The following MAP3K3 variants were observed in gnomAD, a reference collection of about 807,000 sequenced individuals.
MAP3K3 encodes MAP/ERK kinase kinase 3.
A neutral mutation model predicts 80.9 loss-of-function variants in MAP3K3; 12 were observed. That is an observed-to-expected ratio of 0.15 (90% CI 0.10 to 0.24). The LOEUF (loss-of-function observed/expected upper bound fraction) is 0.24, where lower values mean the gene tolerates loss of function less well. Among genes scored for constraint, MAP3K3 ranks in the 10% least tolerant of loss-of-function variants. The pLI, the probability that MAP3K3 is intolerant of heterozygous loss-of-function variation, is 1.00. For missense variants in MAP3K3, 596 were observed against 834.7 expected (o/e 0.71, Z 3.52); for synonymous variants, 272 against 307.1 (o/e 0.89, Z 1.19).
At chr17:63,661,337 G>A (rs1598092374) in intron 5 of MAP3K3, among the ~76,000 whole-genome samples, 1 of 152,164 alleles carries the variant, frequency 6.6e-6, no homozygotes, top group Non-Finnish European at 1.5e-5. Flanking sequence ...GTGAGCCACC[G>A]GATCTGGCCA....
In MAP3K3 at chr17:63,666,968, C is replaced by A; in HGVS notation, c.410C>A (p.Ser137Tyr). Residue 137 changes from serine (S) to tyrosine (Y), a missense_variant, in exon 6 of 16, where the codon TCC (serine) becomes TAC (tyrosine). Physicochemically the swap from Ser to Tyr is moderately radical, Grantham distance 144. Around this residue, in one of 2 missense-constraint regions of MAP3K3, gnomAD observed 232 missense variants for 245.8 expected, o/e 0.94. Transcript: ENST00000361733. The stretch of plus-strand genomic sequence containing the variant: ...AGTTCCTCTCCCCACTCTGGGGTGT[C>A]CAGACAGGTGCGGATCAAGGCTTCC... ...HNSSSPHSGV[S>Y]RQVRIKASQS... The A allele has an allele frequency of 6.2e-7, 1 of 1,613,394 alleles. No individual in the cohort carries two copies. The highest frequency in any genetic ancestry group is 8.5e-7 in the Non-Finnish European group (1 of 1,179,830).
intron 6 of MAP3K3, among the ~76,000 whole-genome samples, chr17:63,677,777 G>C (rs1324564459): frequency 6.6e-6 from 1 of 152,202 alleles, no homozygotes; most frequent in East Asian, 1.9e-4. Flanking sequence ...TGAAGCAGGA[G>C]GATCCCTTGA....
intron 5 of MAP3K3, among the ~76,000 whole-genome samples, chr17:63,661,772 C>T (rs556587454): frequency 3.5e-4 from 53 of 152,140 alleles, no homozygotes; most frequent in Non-Finnish European, 7.3e-4. Context: ...ATAAAACAAA[C>T]CTGATTGGGC....
chr17:63,677,932 C>T (rs974971295), intron 6 of MAP3K3, among the ~76,000 whole-genome samples: 6 of 152,196 alleles, frequency 3.9e-5, no homozygotes, highest in Non-Finnish European at 7.3e-5. Flanking sequence ...TGTCATATTT[C>T]CTTGTGGATG....
At chr17:63,676,393 A>G (rs1418620544) in intron 6 of MAP3K3, among the ~76,000 whole-genome samples, 7 of 152,196 alleles carry the variant, frequency 4.6e-5, no homozygotes, top group Non-Finnish European at 5.9e-5. Context: ...ATCCCAGGGA[A>G]GTCTCACCCC....
rs142749860 is a variant in MAP3K3, at chr17:63,680,600, G to A, written c.503-1166G>A. On this transcript the variant is annotated intron_variant, in intron 6 of 15. Coordinates refer to ENST00000361733, the MANE Select transcript of MAP3K3 (RefSeq NM_002401.5). Reference sequence around the variant, plus strand: ...AGGAGGAAGGAGGACCTGATTTCTCGGACTCAAAATCCCTTATGGCAGAAA... The same window carrying A: ...AGGAGGAAGGAGGACCTGATTTCTCAGACTCAAAATCCCTTATGGCAGAAA... Among the ~76,000 whole-genome samples, 23 of 152,176 alleles carry A rather than the reference G, an allele frequency of 1.5e-4. 1 individual carries two copies. In the East Asian group the frequency reaches 3.7e-3, roughly 24 times the overall value.
intron 6 of MAP3K3, among the ~76,000 whole-genome samples, chr17:63,676,046 C>G (rs144342075): frequency 1.8e-4 from 28 of 152,328 alleles, no homozygotes; most frequent in East Asian, 1.4e-3. Flanking sequence ...GTTCTGCCAA[C>G]TCCTGGTTTT....
intron 3 of MAP3K3, among the ~76,000 whole-genome samples, chr17:63,648,596 C>T (rs976436541): frequency 6.6e-6 from 1 of 152,026 alleles, no homozygotes; most frequent in Non-Finnish European, 1.5e-5. Context: ...GAGGCTGAGG[C>T]GGGCAGATAA....
chr17:63,647,118 C>T (rs2034555850), intron 3 of MAP3K3, among the ~76,000 whole-genome samples: 1 of 152,150 alleles, frequency 6.6e-6, no homozygotes, highest in Non-Finnish European at 1.5e-5. Flanking sequence ...CCAGAGGAGA[C>T]CTGTGGCTAC....
At chr17:63,655,674 G>A (rs1313134244) in intron 4 of MAP3K3, among the ~76,000 whole-genome samples, 3 of 151,930 alleles carry the variant, frequency 2.0e-5, no homozygotes, top group East Asian at 3.9e-4. Context: ...ATAAATTTTT[G>A]TAGAGATGGG....
At chr17:63,628,787 A>C (rs888830362) in intron 1 of MAP3K3, among the ~76,000 whole-genome samples, 1 of 152,202 alleles carries the variant, frequency 6.6e-6, no homozygotes, top group Non-Finnish European at 1.5e-5. Flanking sequence ...TATTCAGTAA[A>C]TTGTTGTTAA....
Position 63,692,162 on chromosome 17 carries a change from CT to C in MAP3K3, c.1475-79del. ...GGTAGCCCTGCCCTCTCCAGCAGCT[CT>C]CAGTGACCCGGGGGTGGGGAGGATG... On this transcript the variant is annotated intron_variant, in intron 14 of 15. Coordinates refer to ENST00000361733, the MANE Select transcript of MAP3K3 (RefSeq NM_002401.5). This position sits in a 1 kb window ranked among gnomAD's most constrained non-coding sequence, Gnocchi z 4.5. The C allele has an allele frequency of 6.5e-7, 1 of 1,536,678 alleles. No homozygotes were observed. The highest frequency in any genetic ancestry group is 8.9e-7 in the Non-Finnish European group (1 of 1,118,466).
intron 5 of MAP3K3, among the ~76,000 whole-genome samples, chr17:63,660,296 A>G (rs1037246254): frequency 4.6e-5 from 7 of 151,070 alleles, no homozygotes; most frequent in South Asian, 4.2e-4. Context: ...AACCTCCCAG[A>G]CTCAAGTTAT....
chr17:63,675,319 G>A (rs1303199627), intron 6 of MAP3K3, among the ~76,000 whole-genome samples: 1 of 152,162 alleles, frequency 6.6e-6, no homozygotes, highest in Non-Finnish European at 1.5e-5. Flanking sequence ...AGAGAAAAGA[G>A]TTTAGGAAAT....
At chr17:63,671,270 T>G (rs1051914378) in intron 6 of MAP3K3, among the ~76,000 whole-genome samples, 1 of 151,600 alleles carries the variant, frequency 6.6e-6, no homozygotes, top group African/African-American at 2.4e-5. Context: ...CTTTTTTTTT[T>G]TTTTGTGACG....
At chr17:63,670,689 G>A (rs1456259486) in intron 6 of MAP3K3, among the ~76,000 whole-genome samples, 1 of 152,068 alleles carries the variant, frequency 6.6e-6, no homozygotes, top group Non-Finnish European at 1.5e-5. Flanking sequence ...CCTTAGGCAT[G>A]AATGGGATTT....
At chr17:63,641,477 G>T (rs763359325) in intron 2 of MAP3K3, among the ~76,000 whole-genome samples, 2 of 151,902 alleles carry the variant, frequency 1.3e-5, no homozygotes, top group Non-Finnish European at 2.9e-5. Context: ...TCCTGACCTC[G>T]TGATCTGCCC....
Position 63,679,674 on chromosome 17 carries a change from C to G in MAP3K3, c.503-2092C>G, listed in dbSNP as rs192744794. ...AATATTTTTTGTAGAGATGGGGTCT[C>G]ACCATGTTGCCCATGCTGGTCTCAA... On this transcript the variant is annotated intron_variant, in intron 6 of 15. Coordinates refer to ENST00000361733, the MANE Select transcript of MAP3K3 (RefSeq NM_002401.5). 1.5e-3 allele frequency among the ~76,000 whole-genome samples: 230 copies of G among 152,252 alleles called. 1 individual carries two copies. The highest frequency in any genetic ancestry group is 4.0e-4 in the Non-Finnish European group (27 of 68,010).
intron 11 of MAP3K3, chr17:63,690,046 C>T: frequency 1.7e-6 from 1 of 603,750 alleles, no homozygotes; most frequent in Non-Finnish European, 2.9e-6. Flanking sequence ...AGCATTTAAC[C>T]ATGACTTCAG....
Sources: allele counts gnomAD v4.1 joint callset (sites outside exome capture counted in the v4.1 genomes callset), GRCh38; gene constraint gnomAD v4.1.1; regional missense constraint gnomAD v4.1.1; non-coding constraint Gnocchi (gnomAD v3.1); transcripts MANE v1.5; gene names NCBI Gene and HGNC (gene_info 2026-07-23, HGNC 2026-07-21).